The following FBF1 variants were observed in gnomAD, a reference collection of about 807,000 sequenced individuals.
The protein encoded by FBF1 is fas-binding factor 1.
A neutral mutation model predicts 147.2 loss-of-function variants in FBF1; 119 were observed. The ratio of observed to expected loss-of-function variants is 0.81; its 90% CI spans 0.70 to 0.94. The LOEUF (loss-of-function observed/expected upper bound fraction) is 0.94, where lower values mean the gene tolerates loss of function less well. Ranked by LOEUF, FBF1 falls within the 40% of genes least tolerant of loss-of-function variation. The pLI is 0.00. For synonymous variants in FBF1, 601 were observed against 609.0 expected, an observed-to-expected ratio of 0.99 and a Z score of 0.19; for missense variants, 1,449 against 1,500.8, an observed-to-expected ratio of 0.97 and a Z score of 0.57.
At chr17:75,913,132 C>T (rs2065465383) in intron 28 of FBF1, among the ~76,000 whole-genome samples, 1 of 145,886 alleles carries the variant, frequency 6.9e-6, no homozygotes, top group South Asian at 2.2e-4. Flanking sequence ...TCAGGAGTGG[C>T]GTTGAGGGTG....
Position 75,919,618 on chromosome 17 carries a change from CG to C in FBF1, c.2138+49del. 6.5e-7 allele frequency: 1 copy of C among 1,542,572 alleles called. No homozygotes were observed. Among genetic ancestry groups the C allele is most frequent in the Non-Finnish European group, 8.7e-7 (1 of 1,144,900 alleles). ...GGGTCTCGTGGGGATGGCTCTCTTC[CG>C]GCTACTCCTTGCAAGCCTGCTCCCC... On this transcript the variant is annotated intron_variant, in intron 20 of 29. Transcript: ENST00000636174. The surrounding 1 kb of genome is among the most constrained non-coding windows in gnomAD (Gnocchi z 5.0).
chr17:75,923,405 C>A lies in FBF1; in HGVS notation c.1205G>T (p.Gly402Val), dbSNP rs767303842. 1.2e-6 allele frequency: 2 copies of A among 1,607,580 alleles called. No individual in the cohort carries two copies. The highest frequency in any genetic ancestry group is 2.2e-5 in the East Asian group (1 of 44,710). ...TGGCTTTGCCCTGGAGGGGGGCAGC[C>A]CAGCTGGCGTGGAGTGCTGGCTCGC... The part of the protein sequence containing the change: ...PPASQHSTPA[G>V]LPPSRAKPPT... The change falls in exon 14 of 30, where the codon GGG becomes GTG. Residue 402 changes from glycine to valine, a missense_variant. Physicochemically the swap from Gly to Val is moderately radical, Grantham distance 109. Transcript: ENST00000636174. The surrounding 1 kb of genome is among the most constrained non-coding windows in gnomAD (Gnocchi z 4.1).
At position 75,918,788 on chromosome 17, in the gene FBF1, G is replaced by A. The variant is rs1028987492; in HGVS notation, c.2139-519C>T. 4.0e-5 allele frequency among the ~76,000 whole-genome samples: 6 copies of A among 150,740 alleles called. No homozygotes were observed. The highest frequency in any genetic ancestry group is 1.2e-4 in the African/African-American group (5 of 40,866). On this transcript the variant is annotated intron_variant, in intron 20 of 29. Coordinates refer to ENST00000636174, the MANE Select transcript of FBF1 (RefSeq NM_001319193.2). The surrounding 1 kb of genome is among the most constrained non-coding windows in gnomAD (Gnocchi z 5.8). ...ATTACAGGTGTGAGCCACCACGCCC[G>A]GCCCCAAGCAGTCTTTCTTTTTTTT... is the stretch of plus-strand genomic sequence containing the variant.
In FBF1 at chr17:75,923,290, A is replaced by G. The variant is rs1290454587; in HGVS notation, c.1320T>C (p.His440=). ...SKEEKEDWLS[H]ALSRKKSQGL... ...CTTGGGACTTCTTCCGAGACAGGGC[A>G]TGGCTCAGCCAGTCCTCTTTCTCCT... is the stretch of plus-strand genomic sequence containing the variant. Residue 440 remains histidine (H), a synonymous_variant, in exon 14 of 30, where the codon CAT becomes CAC. Coordinates refer to ENST00000636174, the MANE Select transcript of FBF1 (RefSeq NM_001319193.2). This position sits in a 1 kb window ranked among gnomAD's most constrained non-coding sequence, Gnocchi z 4.1. 22 of 1,592,284 alleles carry G rather than the reference A, an allele frequency of 1.4e-5. No homozygotes were observed. The highest frequency in any genetic ancestry group is 1.7e-5 in the Non-Finnish European group (20 of 1,169,942).
chr17:75,935,646 A>G lies in FBF1; in HGVS notation c.59T>C (p.Leu20Pro). The change falls in exon 4 of 30, where the codon CTT (leucine) becomes CCT (proline). Residue 20 changes from leucine (L) to proline (P), a missense_variant. Transcript: ENST00000636174. ...GGCACACTTACTATCATCCCCTAGA[A>G]GGTCACCAAGAAAATCATCAATGGA... is the stretch of plus-strand genomic sequence containing the variant. ...KGSIDDFLGD[L>P]LGDDMTLPEK... 1 of 1,537,018 alleles carries G rather than the reference A, an allele frequency of 6.5e-7. No individual in the cohort carries two copies. The highest frequency in any genetic ancestry group is 8.7e-7 in the Non-Finnish European group (1 of 1,146,812).
In FBF1 at chr17:75,938,286, G is replaced by A. The variant is rs1233042058; in HGVS notation, c.-83-54C>T. On this transcript the variant is annotated intron_variant, in intron 1 of 29. Coordinates refer to ENST00000636174, the MANE Select transcript of FBF1 (RefSeq NM_001319193.2). ...AAAAATGATGTAGCTTTGGCTGGGC[G>A]CCATGGCTCACGCCTGTTAATCCCA... is the stretch of plus-strand genomic sequence containing the variant. 4.3e-5 allele frequency: 57 copies of A among 1,335,428 alleles called. No homozygotes were observed. The South Asian group carries it at 4.7e-4, about 11-fold the overall frequency. 82.7% of individuals were successfully genotyped at this position (1,335,428 alleles called of 1,614,324 possible).
chr17:75,914,026 C>A lies in FBF1; in HGVS notation c.3016G>T (p.Gly1006Trp). Residue 1006 changes from glycine to tryptophan, a missense_variant, in exon 27 of 30, where the codon GGG becomes TGG. Transcript: ENST00000636174. The part of the protein sequence containing the change: ...SKVASEKYEE[G>W]ERALREAQQV... ...TGGGCCTCGCGCAATGCCCGCTCCCCCTCCTCGTACTTCTCGGAGGCCACC... is the reference window on the plus strand; with the variant it reads ...TGGGCCTCGCGCAATGCCCGCTCCCACTCCTCGTACTTCTCGGAGGCCACC... 1 of 1,587,324 alleles carries A rather than the reference C, an allele frequency of 6.3e-7. No homozygotes were observed. Among genetic ancestry groups the A allele is most frequent in the East Asian group, 2.3e-5 (1 of 44,198 alleles).
In FBF1 at chr17:75,909,619, G is replaced by C; in HGVS notation, c.*1104C>G. ...TTAATCTCCCCGGGCCTCAGTTTCT[G>C]CATGTTTGAAGCAGGGCTAATAGTA... is the stretch of plus-strand genomic sequence containing the variant. On this transcript the variant is annotated 3_prime_UTR_variant, in exon 30 of 30. Coordinates refer to ENST00000636174, the MANE Select transcript of FBF1 (RefSeq NM_001319193.2). 1 of 514,656 alleles carries C rather than the reference G, an allele frequency of 1.9e-6. No homozygotes were observed. 31.9% of individuals were successfully genotyped at this position (514,656 alleles called of 1,614,324 possible). A position where few individuals can be genotyped will look rare whatever the true frequency, so the allele number is the denominator to read the frequency against.
intron 7 of FBF1, 128 bp downstream of exon 7, chr17:75,929,869 C>G: frequency 3.6e-6 from 3 of 840,264 alleles, no homozygotes; most frequent in Non-Finnish European, 3.8e-6. Context: ...CATGCTTGCA[C>G]GAGGAAGGGC....
rs762135287 is a variant in FBF1 at position 75,938,156 on chromosome 17, G to A, written c.-7C>T. On this transcript the variant is annotated 5_prime_UTR_variant, in exon 2 of 30. Transcript: ENST00000636174. ...TCTGAACTCTGCCTACCATCTCACG[G>A]CTCTCGGGGGTGCTCTCAGCTCCTT... 6 of 1,613,530 alleles carry A rather than the reference G, an allele frequency of 3.7e-6. No individual in the cohort carries two copies. The South Asian group carries it at 6.6e-5, about 18-fold the overall frequency.
At chr17:75,939,809 A>G (rs2065649916) in intron 1 of FBF1, 1 of 152,140 alleles carries the variant, frequency 6.6e-6, no homozygotes, top group South Asian at 2.1e-4. Context: ...CCACTTTACC[A>G]AAACCCACCT....
rs2065574493 is a variant in FBF1 at position 75,928,295 on chromosome 17, G to C, written c.280-102C>G. ...GTTGGCACCCCAGGTGTAGAATTGTGAGAAAACAAAGGAAAATGAGAAAAC... is the reference window on the plus strand; with the variant it reads ...GTTGGCACCCCAGGTGTAGAATTGTCAGAAAACAAAGGAAAATGAGAAAAC... On this transcript the variant is annotated intron_variant, in intron 7 of 29. Coordinates refer to ENST00000636174, the MANE Select transcript of FBF1 (RefSeq NM_001319193.2). This position sits in a 1 kb window ranked among gnomAD's most constrained non-coding sequence, Gnocchi z 4.2. The C allele has an allele frequency of 1.2e-6, 1 of 868,984 alleles. No individual in the cohort carries two copies. Among genetic ancestry groups the C allele is most frequent in the Admixed American group, 2.6e-5 (1 of 38,840 alleles). The allele number at this position is 868,984 out of a possible 1,614,324, so 53.8% of individuals were successfully genotyped here. A position where few individuals can be genotyped will look rare whatever the true frequency, so the allele number is the denominator to read the frequency against.
chr17:75,929,964 C>CCCCTTTTAAAAAA, intron 7 of FBF1, 33 bp downstream of exon 7: 3 of 1,402,196 alleles, frequency 2.1e-6, no homozygotes, highest in Admixed American at 2.0e-5. Context: ...CACCCACCCC[C>CCCCTTTTAAAAAA]AGTTCTAAGA....
At chr17:75,940,690 G>A (rs769953983) in intron 1 of FBF1, 158 bp downstream of exon 1, 2 of 153,886 alleles carry the variant, frequency 1.3e-5, no homozygotes, top group Non-Finnish European at 1.5e-5. Context: ...TCTAGGCTTG[G>A]TTTGCCAAGG....
chr17:75,914,079 G>T (rs971864944), intron 26 of FBF1, 29 bp from the exon 27 acceptor site: 1 of 1,593,358 alleles, frequency 6.3e-7, no homozygotes, highest in Non-Finnish European at 8.5e-7. Flanking sequence ...GGTCAGGGCT[G>T]CCTGGGCTCA....
At position 75,914,146 on chromosome 17, in the gene FBF1, G is replaced by A. The variant is rs935770930; in HGVS notation, c.2967C>T (p.Ala989=). The A allele has an allele frequency of 5.0e-6, 8 of 1,601,798 alleles. No homozygotes were observed. The highest frequency in any genetic ancestry group is 6.8e-6 in the Non-Finnish European group (8 of 1,176,888). The change falls in exon 26 of 30, where the codon GCC becomes GCT. Residue 989 remains alanine (A), a synonymous_variant. Coordinates refer to ENST00000636174, the MANE Select transcript of FBF1 (RefSeq NM_001319193.2). ...CCTTGCTCATGCTCTCCACCTCCTC[G>A]GCGCGGAGCTTGACACGCAGGGCGG... ...NATALRVKLR[A]EEVESMSKVA...
At position 75,919,931 on chromosome 17, in the gene FBF1, G is replaced by T; in HGVS notation, c.1932-57C>A. 6.2e-7 allele frequency: 1 copy of T among 1,611,624 alleles called. No individual in the cohort carries two copies. The highest frequency in any genetic ancestry group is 8.5e-7 in the Non-Finnish European group (1 of 1,178,420). Reference sequence around the variant, plus strand: ...GAAGGCAGAGGGCTGCCGCCTAAAGGCCTCTCCAGGCACACTGGGTGGCCT... The same window carrying T: ...GAAGGCAGAGGGCTGCCGCCTAAAGTCCTCTCCAGGCACACTGGGTGGCCT... On this transcript the variant is annotated intron_variant, in intron 19 of 29. Coordinates refer to ENST00000636174, the MANE Select transcript of FBF1 (RefSeq NM_001319193.2). The surrounding 1 kb of genome is among the most constrained non-coding windows in gnomAD (Gnocchi z 5.0).
chr17:75,926,975 T>C (rs2065565962), intron 9 of FBF1, 98 bp from the exon 10 acceptor site: 18 of 1,492,730 alleles, frequency 1.2e-5, no homozygotes, highest in Non-Finnish European at 1.6e-5. Context: ...GGCTTCTAGC[T>C]GCTCCAGTAC....
intron 9 of FBF1, 94 bp downstream of exon 9, chr17:75,927,361 T>C (rs931358656): frequency 2.0e-5 from 21 of 1,033,684 alleles, no homozygotes; most frequent in African/African-American, 1.6e-4. Context: ...CCATGTGACA[T>C]AGGCAGCAGC....
Sources: gnomAD v4.1 joint callset for allele counts (sites outside exome capture counted in the v4.1 genomes callset) on GRCh38, gnomAD v4.1.1 for gene constraint, Gnocchi (gnomAD v3.1) non-coding constraint, MANE v1.5 for transcripts, NCBI Gene and HGNC (gene_info 2026-07-23, HGNC 2026-07-21) for gene names.